The following TERB1 variants were observed in gnomAD, a reference collection of about 807,000 sequenced individuals.
The protein encoded by TERB1 is telomere repeat binding bouquet formation protein 1, also known as telomere repeats-binding bouquet formation protein 1.
Under a neutral mutation model 92.3 loss-of-function variants are expected in TERB1, and 63 were observed. The observed-to-expected ratio is 0.68, with a 90% CI of 0.56 to 0.84. The LOEUF is 0.84. TERB1 is among the 40% of genes least tolerant of loss of function. The pLI, the probability that TERB1 is intolerant of heterozygous loss-of-function variation, is 0.00. For synonymous variants in TERB1, 252 were observed against 283.9 expected (o/e 0.89, Z 1.13); for missense variants, 709 against 843.7 (o/e 0.84, Z 1.98).
At chr16:66,794,924 C>A (rs150626223) in intron 3 of TERB1, among the ~76,000 whole-genome samples, 1,841 of 143,666 alleles carry the variant, frequency 0.013, 18 homozygotes, top group Non-Finnish European at 0.02. Flanking sequence ...AAAAAAAAAA[C>A]ACACACACAC....
Position 66,786,108 on chromosome 16 carries a change from C to A in TERB1, c.483G>T (p.Glu161Asp). The A allele has an allele frequency of 6.4e-7, 1 of 1,551,080 alleles. No homozygotes were observed. The highest frequency in any genetic ancestry group is 8.7e-7 in the Non-Finnish European group (1 of 1,146,600). ...RLFRTVISKH[E>D]LDLSDKNVFQ... Reference sequence around the variant, plus strand: ...AAACATTTTTATCTGACAAATCCAACTCATGTTTTGAAATAACTGTCCTAT... The same window carrying A: ...AAACATTTTTATCTGACAAATCCAAATCATGTTTTGAAATAACTGTCCTAT... The change falls in exon 8 of 19, where the codon GAG (glutamate) becomes GAT (aspartate). Residue 161 changes from glutamate (E) to aspartate (D), a missense_variant. Glu to Asp is a conservative substitution (Grantham distance 45). Coordinates refer to ENST00000433154, the MANE Select transcript of TERB1 (RefSeq NM_001136505.2).
chr16:66,799,660 T>A (rs1959225279), intron 2 of TERB1, among the ~76,000 whole-genome samples: 1 of 152,208 alleles, frequency 6.6e-6, no homozygotes, highest in African/African-American at 2.4e-5. Context: ...GTTTGCCAAG[T>A]ACTTGGTAGC....
chr16:66,779,326 G>A (rs569269686), intron 9 of TERB1, among the ~76,000 whole-genome samples: 4 of 152,178 alleles, frequency 2.6e-5, no homozygotes, highest in African/African-American at 9.6e-5. Flanking sequence ...GGCCGAGCAT[G>A]GTGGCTCATG....
chr16:66,785,504 T>G (rs1315419078), intron 9 of TERB1, among the ~76,000 whole-genome samples: 78 of 152,350 alleles, frequency 5.1e-4, no homozygotes, highest in Admixed American at 5.1e-3. Flanking sequence ...AATTACCTTG[T>G]GATCAGAGAA....
rs2018815222 is a variant in TERB1, at chr16:66,790,609, A to G, written c.257T>C (p.Ile86Thr). 1 of 1,543,724 alleles carries G rather than the reference A, an allele frequency of 6.5e-7. No homozygotes were observed. ...TTATATTTTACCATTTTTCTCTGCA[A>G]TAGCTCCTAATGTATATAAGGCTGC... ...KEAALYTLGA[I>T]AEKNVYCQQT... The change falls in exon 5 of 19, where the codon ATT becomes ACT. Residue 86 changes from isoleucine (I) to threonine (T), a missense_variant. Physicochemically the swap from Ile to Thr is moderately conservative, Grantham distance 89. Transcript: ENST00000433154.
At chr16:66,794,765 C>T (rs2018897404) in intron 3 of TERB1, among the ~76,000 whole-genome samples, 1 of 152,038 alleles carries the variant, frequency 6.6e-6, no homozygotes, top group African/African-American at 2.4e-5. Context: ...AAAAAATTAG[C>T]TGGGCGTGGT....
At chr16:66,773,331 C>T (rs1234019606) in intron 12 of TERB1, among the ~76,000 whole-genome samples, 2 of 152,162 alleles carry the variant, frequency 1.3e-5, no homozygotes, top group African/African-American at 4.8e-5. Context: ...GAGACTTCGT[C>T]TCAAAAATAA....
intron 9 of TERB1, among the ~76,000 whole-genome samples, chr16:66,780,706 A>G (rs1007532459): frequency 1.3e-5 from 2 of 152,220 alleles, no homozygotes; most frequent in Non-Finnish European, 1.5e-5. Flanking sequence ...TTTATTGTAC[A>G]CTGAATATTT....
intron 3 of TERB1, among the ~76,000 whole-genome samples, chr16:66,794,324 T>C (rs151032354): frequency 6.6e-6 from 1 of 152,174 alleles, no homozygotes; most frequent in African/African-American, 2.4e-5. Context: ...GGTTTCAAAC[T>C]CCTGAGCTCA....
chr16:66,755,007 A>G lies in TERB1; in HGVS notation c.2153T>C (p.Leu718Pro), dbSNP rs776168779. Residue 718 changes from leucine (L) to proline (P), a missense_variant, in exon 19 of 19, where the codon CTG (leucine) becomes CCG (proline). By Grantham distance (98) the Leu-to-Pro change is moderately conservative. Transcript: ENST00000433154. Reference protein sequence around the residue: ...AVDLAHKYHKLTKHPTCAAS With the variant: ...AVDLAHKYHKPTKHPTCAAS ...AGCTGCACACGTGGGGTGTTTGGTC[A>G]GCTTGTGGTATTTGTGAGCAAGGTC... The G allele has an allele frequency of 1.9e-6, 3 of 1,551,102 alleles. No homozygotes were observed. The highest frequency in any genetic ancestry group is 2.4e-5 in the South Asian group (2 of 83,844).
intron 11 of TERB1, among the ~76,000 whole-genome samples, chr16:66,775,595 T>C (rs769375609): frequency 6.6e-6 from 1 of 151,982 alleles, no homozygotes; most frequent in African/African-American, 2.4e-5. Context: ...GGTCGCACCA[T>C]TGTACTCCAG....
intron 3 of TERB1, among the ~76,000 whole-genome samples, chr16:66,796,532 T>C (rs2018931752): frequency 1.3e-5 from 2 of 152,242 alleles, no homozygotes; most frequent in Non-Finnish European, 2.9e-5. Context: ...CCCATTATTC[T>C]TGTATACACT....
chr16:66,787,283 C>CTTTTT (rs58213946), intron 6 of TERB1, among the ~76,000 whole-genome samples: 4 of 137,888 alleles, frequency 2.9e-5, no homozygotes, highest in Non-Finnish European at 4.7e-5. Flanking sequence ...TTTTCTTTTT[C>CTTTTT]TTTTTTTTTT....
intron 9 of TERB1, among the ~76,000 whole-genome samples, chr16:66,780,690 A>G (rs1222207924): frequency 6.6e-6 from 1 of 152,164 alleles, no homozygotes; most frequent in Non-Finnish European, 1.5e-5. Flanking sequence ...AACATCCTAG[A>G]CCACATTTAT....
intron 16 of TERB1, among the ~76,000 whole-genome samples, chr16:66,760,307 A>T (rs1478929096): frequency 1.4e-5 from 2 of 139,636 alleles, no homozygotes; most frequent in Admixed American, 1.5e-4. Context: ...AAAAATACAA[A>T]AATTAGCCAG....
rs1393204738 is a variant in TERB1, at chr16:66,760,201, C to T, written c.1781-911G>A. Among the ~76,000 whole-genome samples, 5 of 131,958 alleles carry T rather than the reference C, an allele frequency of 3.8e-5. No homozygotes were observed. In the Admixed American group the frequency reaches 4.0e-4, roughly 10 times the overall value. 86.6% of individuals were successfully genotyped at this position (131,958 alleles called of 152,430 possible). On this transcript the variant is annotated intron_variant, in intron 16 of 18. Transcript: ENST00000433154. ...CTAGGTTGGGTGCAATGGCTCATGC[C>T]TGTAACCCCAGCACTTTGGGAGGCT...
intron 2 of TERB1, among the ~76,000 whole-genome samples, chr16:66,797,623 C>CCCCA (rs113909475): frequency 5.7e-5 from 8 of 140,846 alleles, no homozygotes; most frequent in African/African-American, 1.9e-4. Context: ...TAAAAACACA[C>CCCCA]CACACACACA....
intron 2 of TERB1, 38 bp from the exon 3 acceptor site, chr16:66,796,868 T>C: frequency 8.9e-7 from 1 of 1,129,554 alleles, no homozygotes; most frequent in Non-Finnish European, 1.3e-6. Flanking sequence ...TAAATCAATG[T>C]TTGAGAATGG....
In TERB1 at chr16:66,790,738, GA is replaced by G. The variant is rs1043261781; in HGVS notation, c.143-16del. 5 of 1,537,704 alleles carry G rather than the reference GA, an allele frequency of 3.3e-6. No homozygotes were observed. The highest frequency in any genetic ancestry group is 1.2e-5 in the South Asian group (1 of 81,356). Reference sequence around the variant, plus strand: ...ACTTGCATTACCTGTAGGATGTGCAGAAAAAAAACAAAATAGAAATGATATT... The same window carrying G: ...ACTTGCATTACCTGTAGGATGTGCAGAAAAAAACAAAATAGAAATGATATT... On this transcript the variant is annotated splice_polypyrimidine_tract_variant and intron_variant, in intron 4 of 18. Transcript: ENST00000433154.
Sources: allele counts gnomAD v4.1 joint callset (sites outside exome capture counted in the v4.1 genomes callset), GRCh38; gene constraint gnomAD v4.1.1; transcripts MANE v1.5; gene names NCBI Gene and HGNC (gene_info 2026-07-23, HGNC 2026-07-21).